TRDN: variants seen among roughly 807,000 people sequenced by gnomAD.
TRDN encodes the protein triadin, also known as triadin in skeletal muscle.
In TRDN, 161 loss-of-function variants were observed where a neutral mutation model predicts 149.7. That is an observed-to-expected ratio of 1.08 (90% CI 0.95 to 1.23). The LOEUF is 1.23. Ranked by LOEUF, TRDN falls within the 50% of genes most tolerant of loss-of-function variation. TRDN has a pLI of 0.00. For synonymous variants in TRDN, 294 were observed against 250.5 expected, an observed-to-expected ratio of 1.17 and a Z score of -1.64; for missense variants, 896 against 823.5, an observed-to-expected ratio of 1.09 and a Z score of -1.08.
chr6:123,601,867 A>C (rs1409469392), intron 1 of TRDN, among the ~76,000 whole-genome samples: 2 of 152,088 alleles, frequency 1.3e-5, no homozygotes, highest in Non-Finnish European at 2.9e-5. Context: ...GATCTACTTG[A>C]GGTTGGTTGG....
chr6:123,393,454 C>T (rs1034579830), intron 13 of TRDN, among the ~76,000 whole-genome samples, 170 bp downstream of exon 13: 2 of 152,028 alleles, frequency 1.3e-5, no homozygotes, highest in African/African-American at 2.4e-5. Flanking sequence ...GTCATGCTTG[C>T]TCCAATTACT....
At chr6:123,439,162 C>T (rs1774742058) in intron 10 of TRDN, among the ~76,000 whole-genome samples, 159 bp from the exon 11 acceptor site, 1 of 152,152 alleles carries the variant, frequency 6.6e-6, no homozygotes, top group East Asian at 1.9e-4. Flanking sequence ...CCTCATTTAT[C>T]AAATAATAAT....
intron 23 of TRDN, among the ~76,000 whole-genome samples, chr6:123,330,614 T>C (rs761632274): frequency 6.6e-6 from 1 of 152,082 alleles, no homozygotes; most frequent in Admixed American, 6.6e-5. Context: ...AGTTCCTTAA[T>C]AGGTTTGAAG....
At chr6:123,631,197 T>G (rs906129063) in intron 1 of TRDN, among the ~76,000 whole-genome samples, 1 of 151,648 alleles carries the variant, frequency 6.6e-6, no homozygotes, top group Admixed American at 6.6e-5. Flanking sequence ...ACTAATCAGG[T>G]TTATGTGATA....
intron 1 of TRDN, among the ~76,000 whole-genome samples, chr6:123,582,617 G>A (rs1043790219): frequency 1.1e-4 from 17 of 152,148 alleles, no homozygotes; most frequent in African/African-American, 4.1e-4. Context: ...GGCAGGAACA[G>A]GCCATTTTCA....
intron 16 of TRDN, among the ~76,000 whole-genome samples, chr6:123,380,496 C>G (rs1171735664): frequency 6.6e-6 from 1 of 152,122 alleles, no homozygotes; most frequent in Non-Finnish European, 1.5e-5. Flanking sequence ...CTCCCCCTGG[C>G]TGAGTTGTAG....
At chr6:123,225,513 GACAC>G (rs747190026) in intron 38 of TRDN, among the ~76,000 whole-genome samples, 8 of 148,694 alleles carry the variant, frequency 5.4e-5, no homozygotes, top group South Asian at 2.1e-4. Flanking sequence ...TCACCACACA[GACAC>G]ACACACACAC....
intron 1 of TRDN, among the ~76,000 whole-genome samples, chr6:123,626,217 C>T (rs1419588154): frequency 2.0e-5 from 3 of 152,160 alleles, no homozygotes; most frequent in African/African-American, 7.2e-5. Flanking sequence ...CATGGTGGCT[C>T]ATGCCTGTAA....
At chr6:123,240,620 C>A (rs1775955323) in intron 38 of TRDN, among the ~76,000 whole-genome samples, 1 of 151,652 alleles carries the variant, frequency 6.6e-6, no homozygotes, top group African/African-American at 2.4e-5. Flanking sequence ...TAATTTTAGA[C>A]AAATGAATTC....
At chr6:123,377,936 T>C in intron 16 of TRDN, 38 bp from the exon 17 acceptor site, 1 of 1,372,808 alleles carries the variant, frequency 7.3e-7, no homozygotes, top group African/African-American at 1.5e-5. Flanking sequence ...ATTATCGTTA[T>C]TATTCTAAAG....
intron 9 of TRDN, among the ~76,000 whole-genome samples, chr6:123,466,649 A>G (rs1173334040): frequency 6.6e-6 from 1 of 151,948 alleles, no homozygotes; most frequent in African/African-American, 2.4e-5. Flanking sequence ...GGAAAGATCT[A>G]TTCCCCAACC....
At chr6:123,464,840 G>T in intron 10 of TRDN, 66 bp downstream of exon 10, 2 of 1,530,518 alleles carry the variant, frequency 1.3e-6, no homozygotes, top group Non-Finnish European at 1.8e-6. Context: ...TATTTTTGTT[G>T]TTGCTGTTCC....
In TRDN at chr6:123,235,852, T is replaced by G. The variant is rs184307045; in HGVS notation, c.1976-11721A>C. The stretch of plus-strand genomic sequence containing the variant: ...AGAAGAAATAACGTATTTGAATTCA[T>G]ATAACTGCTGCACATATGAATTTTT... On this transcript the variant is annotated intron_variant, in intron 38 of 40. Transcript: ENST00000334268. Among the ~76,000 whole-genome samples, 5 of 152,326 alleles carry G rather than the reference T, an allele frequency of 3.3e-5. No homozygotes were observed. The East Asian group carries it at 9.7e-4, about 29-fold the overall frequency.
intron 4 of TRDN, among the ~76,000 whole-genome samples, chr6:123,539,644 C>A (rs1357475594): frequency 1.3e-5 from 2 of 152,184 alleles, no homozygotes; most frequent in East Asian, 3.9e-4. Flanking sequence ...TGATGAGCAT[C>A]AACTATCAAT....
intron 4 of TRDN, among the ~76,000 whole-genome samples, chr6:123,532,136 A>T (rs1780280234): frequency 6.6e-6 from 1 of 152,116 alleles, no homozygotes; most frequent in African/African-American, 2.4e-5. Flanking sequence ...GACATGATAT[A>T]TGGTTAATCC....
At chr6:123,356,056 A>G (rs1193809310) in intron 20 of TRDN, among the ~76,000 whole-genome samples, 2 of 151,720 alleles carry the variant, frequency 1.3e-5, no homozygotes, top group African/African-American at 2.4e-5. Context: ...AGATAATCAT[A>G]TCATTTGTGA....
At chr6:123,425,685 A>G (rs1249763965) in intron 12 of TRDN, among the ~76,000 whole-genome samples, 1 of 152,124 alleles carries the variant, frequency 6.6e-6, no homozygotes, top group East Asian at 1.9e-4. Context: ...ACCTTTGGAC[A>G]TGGTAATGTG....
intron 7 of TRDN, among the ~76,000 whole-genome samples, chr6:123,505,900 G>A (rs1219773089): frequency 1.3e-5 from 2 of 151,834 alleles, no homozygotes; most frequent in Non-Finnish European, 2.9e-5. Flanking sequence ...GGTTTCACAT[G>A]TCCATAAACT....
chr6:123,625,230 A>C (rs1170551485), intron 1 of TRDN, among the ~76,000 whole-genome samples: 2 of 152,182 alleles, frequency 1.3e-5, no homozygotes, highest in Non-Finnish European at 2.9e-5. Flanking sequence ...AGCAAGTTTC[A>C]AAGTGAAATA....
Sources: gnomAD v4.1 joint callset for allele counts (sites outside exome capture counted in the v4.1 genomes callset) on GRCh38, gnomAD v4.1.1 for gene constraint, MANE v1.5 for transcripts, NCBI Gene and HGNC (gene_info 2026-07-23, HGNC 2026-07-21) for gene names.